SYT16: variants seen among roughly 807,000 people sequenced by gnomAD.
The protein encoded by SYT16 is synaptotagmin 16.
Under a neutral mutation model 61.4 loss-of-function variants are expected in SYT16, and 42 were observed. The observed-to-expected ratio is 0.68, with a 90% CI of 0.53 to 0.89. The LOEUF is 0.89. Ranked by LOEUF, SYT16 falls within the 40% of genes least tolerant of loss-of-function variation. The pLI is 0.00. For missense variants in SYT16, 804 were observed against 807.3 expected (o/e 1.00, Z 0.05); for synonymous variants, 314 against 302.3 (o/e 1.04, Z -0.40).
intron 1 of SYT16, chr14:61,865,311 T>A: frequency 2.7e-6 from 2 of 730,212 alleles, no homozygotes; most frequent in Non-Finnish European, 4.9e-6. Context: ...AACGCAGGGA[T>A]GCGGAGAGCC....
intron 3 of SYT16, among the ~76,000 whole-genome samples, chr14:62,062,181 G>A (rs1010363748): frequency 6.6e-6 from 1 of 152,100 alleles, no homozygotes; most frequent in Non-Finnish European, 1.5e-5. Flanking sequence ...TACAAGGTTT[G>A]GGTGACAAAA....
intron 3 of SYT16, among the ~76,000 whole-genome samples, chr14:62,027,580 G>A (rs1361501178): frequency 6.6e-6 from 1 of 152,140 alleles, no homozygotes; most frequent in African/African-American, 2.4e-5. Context: ...AGCATGAGTT[G>A]GTTGTTCATT....
Position 61,977,435 on chromosome 14 carries a change from T to C in SYT16, c.-145+7124T>C, listed in dbSNP as rs187765021. Among the ~76,000 whole-genome samples, 332 of 152,234 alleles carry C rather than the reference T, an allele frequency of 2.2e-3. 1 individual carries two copies. Among genetic ancestry groups the C allele is most frequent in the African/African-American group, 7.7e-3 (320 of 41,532 alleles). ...GGAGAGACCTCAGGAAACTTAATCA[T>C]AGCAGAAGGAGATGGGGAGGCAGGC... On this transcript the variant is annotated intron_variant, in intron 2 of 7. Transcript: ENST00000683842.
At chr14:61,881,487 C>T (rs1181767540) in intron 1 of SYT16, among the ~76,000 whole-genome samples, 1 of 152,178 alleles carries the variant, frequency 6.6e-6, no homozygotes, top group Non-Finnish European at 1.5e-5. Flanking sequence ...CTGTTAATAT[C>T]CTCTGCATCT....
intron 3 of SYT16, among the ~76,000 whole-genome samples, chr14:62,054,360 G>GTTGTTTTTTT (rs1411904235): frequency 4.2e-5 from 5 of 118,298 alleles, no homozygotes; most frequent in Non-Finnish European, 6.8e-5. Flanking sequence ...AGTGAAGTGA[G>GTTGTTTTTTT]TTTTTTTTTT....
intron 3 of SYT16, among the ~76,000 whole-genome samples, chr14:62,009,924 A>T (rs2053376629): frequency 6.6e-6 from 1 of 152,162 alleles, no homozygotes; most frequent in Non-Finnish European, 1.5e-5. Context: ...TTGGTTCCTC[A>T]GTCCTAGGGG....
chr14:61,844,492 C>T (rs1004295795), intron 1 of SYT16, among the ~76,000 whole-genome samples: 2 of 152,116 alleles, frequency 1.3e-5, no homozygotes, highest in African/African-American at 4.8e-5. Flanking sequence ...TTAAGTTTTT[C>T]CTCATTTAGT....
chr14:61,952,826 C>T (rs2050725017), intron 1 of SYT16, among the ~76,000 whole-genome samples: 1 of 152,086 alleles, frequency 6.6e-6, no homozygotes, highest in African/African-American at 2.4e-5. Context: ...TTTGTTTTAA[C>T]ATGTAGTTAA....
At chr14:62,094,544 T>A (rs1316313553) in intron 7 of SYT16, among the ~76,000 whole-genome samples, 2 of 152,142 alleles carry the variant, frequency 1.3e-5, no homozygotes, top group East Asian at 1.9e-4. Context: ...TTCGCTGTTA[T>A]ATCCTCTGAT....
At chr14:62,053,455 A>C (rs2055400930) in intron 3 of SYT16, among the ~76,000 whole-genome samples, 1 of 152,196 alleles carries the variant, frequency 6.6e-6, no homozygotes, top group Non-Finnish European at 1.5e-5. Flanking sequence ...CAGCATGCTG[A>C]CTGCAGACCT....
At chr14:61,878,375 A>G (rs1209818573) in intron 1 of SYT16, among the ~76,000 whole-genome samples, 1 of 152,216 alleles carries the variant, frequency 6.6e-6, no homozygotes, top group Non-Finnish European at 1.5e-5. Context: ...CTCAATTTAA[A>G]GAGAGCTGAG....
At chr14:62,087,191 G>C (rs994079391) in intron 7 of SYT16, among the ~76,000 whole-genome samples, 4 of 152,212 alleles carry the variant, frequency 2.6e-5, no homozygotes, top group Admixed American at 2.6e-4. Flanking sequence ...GAGGGGACAC[G>C]AGTTTTATGA....
intron 5 of SYT16, among the ~76,000 whole-genome samples, chr14:62,075,604 T>TAAAAAAAAAAAAAAAGAA (rs2056464050): frequency 1.6e-5 from 1 of 61,422 alleles, no homozygotes. Flanking sequence ...GGATGAACGG[T>TAAAAAAAAAAAAAAAGAA]AAAAAAAAAA....
chr14:62,022,708 T>C (rs1255437466), intron 3 of SYT16, among the ~76,000 whole-genome samples: 2 of 152,126 alleles, frequency 1.3e-5, no homozygotes, highest in Non-Finnish European at 2.9e-5. Flanking sequence ...TGTACTTCAG[T>C]GTAGGCATTT....
At chr14:62,030,884 C>T (rs1157647275) in intron 3 of SYT16, among the ~76,000 whole-genome samples, 1 of 152,118 alleles carries the variant, frequency 6.6e-6, no homozygotes, top group African/African-American at 2.4e-5. Flanking sequence ...CCAGAGATGC[C>T]ATATCATTTG....
chr14:61,942,683 G>A (rs887842470), intron 1 of SYT16, among the ~76,000 whole-genome samples: 6 of 152,100 alleles, frequency 3.9e-5, no homozygotes, highest in Non-Finnish European at 5.9e-5. Context: ...TAAAGATGGG[G>A]GTGGAAAGGA....
intron 3 of SYT16, among the ~76,000 whole-genome samples, chr14:62,047,727 G>A (rs980924988): frequency 3.3e-5 from 5 of 152,208 alleles, no homozygotes; most frequent in Non-Finnish European, 7.3e-5. Context: ...CATCTATTGA[G>A]ATAATCATAT....
intron 1 of SYT16, chr14:61,832,037 A>G: frequency 1.4e-6 from 1 of 701,210 alleles, no homozygotes. Flanking sequence ...CCGTGAAGCC[A>G]AGGAAGAACA....
intron 7 of SYT16, among the ~76,000 whole-genome samples, chr14:62,100,082 C>T (rs1430742001): frequency 6.6e-6 from 1 of 152,120 alleles, no homozygotes; most frequent in Non-Finnish European, 1.5e-5. Context: ...CTGTGCCTGC[C>T]CACAAGCACC....
Sources: allele counts gnomAD v4.1 joint callset (sites outside exome capture counted in the v4.1 genomes callset), GRCh38; gene constraint gnomAD v4.1.1; transcripts MANE v1.5; gene names NCBI Gene and HGNC (gene_info 2026-07-23, HGNC 2026-07-21).